CCDC66: variants seen among roughly 807,000 people sequenced by gnomAD.
The protein encoded by CCDC66 is coiled-coil domain containing 66.
A neutral mutation model predicts 128.3 loss-of-function variants in CCDC66; 133 were observed. That is an observed-to-expected ratio of 1.04 (90% confidence interval 0.90 to 1.20). CCDC66 has a LOEUF of 1.20. Ranked by LOEUF, CCDC66 falls within the 50% of genes most tolerant of loss-of-function variation. The pLI, the probability that CCDC66 is intolerant of heterozygous loss-of-function variation, is 0.00. For missense variants in CCDC66, 1,126 were observed against 1,075.5 expected (o/e 1.05, Z -0.66); for synonymous variants, 387 against 357.0 (o/e 1.08, Z -0.95).
chr3:56,581,745 CA>C (rs1559658591), intron 7 of CCDC66, among the ~76,000 whole-genome samples: 1 of 151,874 alleles, frequency 6.6e-6, no homozygotes, highest in African/African-American at 2.4e-5. Flanking sequence ...TGCAGAACAG[CA>C]AATGTTGCTG....
rs1304752228 is a variant in CCDC66 at position 56,615,237 on chromosome 3, G to A, written c.1676G>A (p.Gly559Glu). 1 of 1,614,024 alleles carries A rather than the reference G, an allele frequency of 6.2e-7. No individual in the cohort carries two copies. Among genetic ancestry groups the A allele is most frequent in the Non-Finnish European group, 8.5e-7 (1 of 1,179,960 alleles). Residue 559 changes from glycine to glutamate, a missense_variant, in exon 12 of 18, where the codon GGA becomes GAA. Transcript: ENST00000394672. Reference sequence around the variant, plus strand: ...AGAATCCGAGAATTGGCGCAAAAGGGACATGACACTTCTAGACTGATTAAA... The same window carrying A: ...AGAATCCGAGAATTGGCGCAAAAGGAACATGACACTTCTAGACTGATTAAA... ...EQRIRELAQK[G>E]HDTSRLIKNL...
At chr3:56,574,361 CAA>C (rs59285810) in intron 7 of CCDC66, among the ~76,000 whole-genome samples, 5 of 126,596 alleles carry the variant, frequency 3.9e-5, no homozygotes, top group Admixed American at 8.5e-5. Context: ...GACTCTGTCT[CAA>C]AAAAAAAAAA....
intron 7 of CCDC66, among the ~76,000 whole-genome samples, chr3:56,585,526 C>A (rs1318675395): frequency 6.6e-6 from 1 of 151,606 alleles, no homozygotes; most frequent in Non-Finnish European, 1.5e-5. Context: ...AAAAAACTTT[C>A]TAGATCCAGA....
Position 56,615,135 on chromosome 3 carries a change from TGACTCTCAA to T in CCDC66, c.1578_1586del (p.Leu527_Thr529del). On this transcript the variant is annotated inframe_deletion, in exon 12 of 18. Transcript: ENST00000394672. ...ACACATCAATATTGACAGGAAATCA[TGACTCTCAA>T]GACAAATGAGCTATTCCAGACAATG... 1 of 1,613,428 alleles carries T rather than the reference TGACTCTCAA, an allele frequency of 6.2e-7. No individual in the cohort carries two copies. The highest frequency in any genetic ancestry group is 8.5e-7 in the Non-Finnish European group (1 of 1,179,772).
intron 7 of CCDC66, among the ~76,000 whole-genome samples, chr3:56,584,590 C>T (rs1188099809): frequency 1.3e-5 from 2 of 149,016 alleles, no homozygotes; most frequent in South Asian, 4.3e-4. Flanking sequence ...CGGGAAGAGG[C>T]GCTCCTGACT....
chr3:56,581,663 A>G (rs1036207471), intron 7 of CCDC66, among the ~76,000 whole-genome samples: 1 of 151,610 alleles, frequency 6.6e-6, no homozygotes. Context: ...GGTCTGTTGG[A>G]GTTTGCTGGA....
chr3:56,593,675 C>G lies in CCDC66; in HGVS notation c.1253C>G (p.Pro418Arg). 6.2e-7 allele frequency: 1 copy of G among 1,614,180 alleles called. No homozygotes were observed. Among genetic ancestry groups the G allele is most frequent in the Non-Finnish European group, 8.5e-7 (1 of 1,180,024 alleles). ...CTPTTGSQVE[P>R]SEEEHIAKPI... ...CCTACAACCGGAAGCCAGGTTGAAC[C>G]TTCAGAGGAGGAGCATATAGCAAAA... The change falls in exon 9 of 18, where the codon CCT becomes CGT. Residue 418 changes from proline to arginine, a missense_variant. Transcript: ENST00000394672.
chr3:56,584,297 GGGT>G, intron 7 of CCDC66, among the ~76,000 whole-genome samples: 1 of 149,252 alleles, frequency 6.7e-6, no homozygotes, highest in Non-Finnish European at 1.5e-5. Context: ...TTCTCAGACG[GGGT>G]GGCTGCCGGG....
intron 10 of CCDC66, 145 bp downstream of exon 10, chr3:56,594,173 C>A: frequency 1.4e-6 from 1 of 708,606 alleles, no homozygotes; most frequent in Non-Finnish European, 2.4e-6. Flanking sequence ...ATCCCTACCA[C>A]AACTGGCATT....
chr3:56,620,677 C>T (rs932109272), intron 17 of CCDC66: 1 of 152,188 alleles, frequency 6.6e-6, no homozygotes, highest in African/African-American at 2.4e-5. Flanking sequence ...AAGAGTTTTA[C>T]ATAAGTTATT....
At chr3:56,596,744 T>G (rs901298269) in intron 10 of CCDC66, among the ~76,000 whole-genome samples, 12 of 146,700 alleles carry the variant, frequency 8.2e-5, no homozygotes, top group Middle Eastern at 3.2e-3. Context: ...ATTTAACTAT[T>G]TAATCCATCT....
chr3:56,601,076 G>A (rs573764205), intron 10 of CCDC66, among the ~76,000 whole-genome samples: 2 of 152,110 alleles, frequency 1.3e-5, no homozygotes, highest in African/African-American at 2.4e-5. Context: ...ATACTGCCTA[G>A]GTTTACTTCT....
chr3:56,557,217 C>T lies in CCDC66; in HGVS notation c.-26C>T, dbSNP rs776114746. Reference sequence around the variant, plus strand: ...GACGTACACAAGGGGCTTGAGCGTTCTGTGGAGAGAGTGCGAGGTCAGGCC... The same window carrying T: ...GACGTACACAAGGGGCTTGAGCGTTTTGTGGAGAGAGTGCGAGGTCAGGCC... On this transcript the variant is annotated 5_prime_UTR_variant, in exon 1 of 18. Coordinates refer to ENST00000394672, the MANE Select transcript of CCDC66 (RefSeq NM_001141947.3). The T allele has an allele frequency of 4.5e-6, 7 of 1,550,918 alleles. No homozygotes were observed. In the South Asian group the frequency reaches 5.9e-5, roughly 13 times the overall value.
At chr3:56,571,332 T>TA in intron 7 of CCDC66, 30 bp downstream of exon 7, 1 of 1,387,556 alleles carries the variant, frequency 7.2e-7, no homozygotes, top group Non-Finnish European at 9.9e-7. Flanking sequence ...ATTTTTAAAA[T>TA]ACTAAGCAGT....
intron 3 of CCDC66, among the ~76,000 whole-genome samples, chr3:56,562,237 C>T (rs1577219047): frequency 6.6e-6 from 1 of 151,610 alleles, no homozygotes; most frequent in African/African-American, 2.4e-5. Flanking sequence ...TTTGTACAGA[C>T]GGGAGTCTTC....
intron 5 of CCDC66, 37 bp from the exon 6 acceptor site, chr3:56,566,913 T>C: frequency 6.5e-7 from 1 of 1,548,502 alleles, no homozygotes; most frequent in African/African-American, 1.4e-5. Context: ...TAGAAATGTA[T>C]GATACAGTTT....
At chr3:56,557,392 CAGTTCTCGGGTAGAAG>C in intron 1 of CCDC66, 139 bp downstream of exon 1, 1 of 1,176,628 alleles carries the variant, frequency 8.5e-7, no homozygotes, top group Non-Finnish European at 1.2e-6. Flanking sequence ...GGGCAGAGCC[CAGTTCTCGGGTAGAAG>C]ATCGAGGCAG....
At position 56,575,141 on chromosome 3, in the gene CCDC66, T is replaced by C. The variant is rs1357704043; in HGVS notation, c.936+3839T>C. Among the ~76,000 whole-genome samples the C allele has an allele frequency of 2.0e-5, 3 of 151,772 alleles. No individual in the cohort carries two copies. The East Asian group carries it at 5.9e-4, about 30-fold the overall frequency. On this transcript the variant is annotated intron_variant, in intron 7 of 17. Transcript: ENST00000394672. ...TACCAATTTTAATTTTGTAATTTTG[T>C]GTTAAACTATTTTGTGTTAAATTTT...
intron 4 of CCDC66, 98 bp downstream of exon 4, chr3:56,564,223 T>G (rs1577244780): frequency 5.8e-6 from 5 of 858,100 alleles, no homozygotes; most frequent in Non-Finnish European, 8.9e-6. Context: ...ACTCTTAAAC[T>G]CTAATTTAAC....
Sources: gnomAD v4.1 joint callset for allele counts (sites outside exome capture counted in the v4.1 genomes callset) on GRCh38, gnomAD v4.1.1 for gene constraint, MANE v1.5 for transcripts, NCBI Gene and HGNC (gene_info 2026-07-23, HGNC 2026-07-21) for gene names.